The following DACH2 variants were observed in gnomAD, a reference collection of about 807,000 sequenced individuals.
The protein encoded by DACH2 is dachshund homolog 2.
DACH2 carries 17 observed loss-of-function variants against 35.8 expected under a neutral mutation model. That is an observed-to-expected ratio of 0.48 (90% CI 0.33 to 0.71). The LOEUF is 0.71. Ranked by LOEUF, DACH2 falls within the 30% of genes least tolerant of loss-of-function variation. DACH2 has a pLI of 0.02. For missense variants in DACH2, 469 were observed against 472.7 expected, an observed-to-expected ratio of 0.99 and a Z score of 0.07; for synonymous variants, 195 against 177.3, an observed-to-expected ratio of 1.10 and a Z score of -0.79.
At chrX:86,775,973 G>A (rs1174217326) in intron 7 of DACH2, among the ~76,000 whole-genome samples, 1 of 111,256 alleles carries the variant, frequency 9.0e-6, no homozygotes, top group Non-Finnish European at 1.9e-5. Context: ...ATTTGCCCAA[G>A]GTCACTCAGT....
chrX:86,289,841 T>G (rs1312582609), intron 1 of DACH2, among the ~76,000 whole-genome samples: 4 of 109,373 alleles, frequency 3.7e-5, no homozygotes, highest in Non-Finnish European at 7.6e-5. Context: ...TTTGGGTTGG[T>G]TCCAAGTCTT....
intron 1 of DACH2, among the ~76,000 whole-genome samples, chrX:86,284,565 T>C (rs1364057390): frequency 2.7e-5 from 3 of 111,635 alleles, no homozygotes; most frequent in Admixed American, 1.9e-4. Flanking sequence ...TTCTTTCTTT[T>C]TTTTTTATTT....
At chrX:86,790,762 G>C (rs2042179633) in intron 7 of DACH2, among the ~76,000 whole-genome samples, 1 of 110,911 alleles carries the variant, frequency 9.0e-6, no homozygotes, top group Non-Finnish European at 1.9e-5. Context: ...GCCTGGTCTA[G>C]AATTCATGGC....
intron 1 of DACH2, among the ~76,000 whole-genome samples, chrX:86,177,046 G>A (rs1199786590): frequency 9.0e-6 from 1 of 111,549 alleles, no homozygotes; most frequent in Non-Finnish European, 1.9e-5. Flanking sequence ...TTTGATACAG[G>A]CGTACAATGG....
chrX:86,646,076 T>C (rs1022678904), intron 3 of DACH2, among the ~76,000 whole-genome samples: 2 of 111,346 alleles, frequency 1.8e-5, no homozygotes, highest in African/African-American at 6.5e-5. Context: ...AGAAATAAAA[T>C]ATGATTTACA....
intron 5 of DACH2, among the ~76,000 whole-genome samples, chrX:86,706,046 T>A (rs2041212395): frequency 9.0e-6 from 1 of 111,254 alleles, no homozygotes; most frequent in Non-Finnish European, 1.9e-5. Context: ...AAGCTATGTG[T>A]ATGAAAAGAA....
At chrX:86,642,217 T>C (rs1298053564) in intron 3 of DACH2, among the ~76,000 whole-genome samples, 1 of 110,988 alleles carries the variant, frequency 9.0e-6, no homozygotes, top group Non-Finnish European at 1.9e-5. Context: ...GAGATCCACC[T>C]CACGTCATGA....
intron 1 of DACH2, among the ~76,000 whole-genome samples, chrX:86,181,750 G>A (rs1335738408): frequency 1.8e-5 from 2 of 111,400 alleles, no homozygotes; most frequent in Non-Finnish European, 3.8e-5. Flanking sequence ...AGATTCTTGA[G>A]GAATCACCAC....
intron 7 of DACH2, among the ~76,000 whole-genome samples, chrX:86,763,395 T>C (rs1271696831): frequency 8.9e-6 from 1 of 112,623 alleles, no homozygotes; most frequent in Non-Finnish European, 1.9e-5. Flanking sequence ...TTCAATTATA[T>C]AGAGTTCAAA....
chrX:86,517,716 C>T (rs1039614409), intron 3 of DACH2, among the ~76,000 whole-genome samples: 1 of 111,473 alleles, frequency 9.0e-6, no homozygotes, highest in Non-Finnish European at 1.9e-5. Flanking sequence ...CCACGCCTGA[C>T]CCTTTGCCCG....
At chrX:86,197,404 A>T (rs2032019976) in intron 1 of DACH2, among the ~76,000 whole-genome samples, 1 of 111,950 alleles carries the variant, frequency 8.9e-6, no homozygotes, top group African/African-American at 3.3e-5. Flanking sequence ...AAATCCACAC[A>T]TATGAATACC....
At chrX:86,265,001 A>C (rs2033687180) in intron 1 of DACH2, among the ~76,000 whole-genome samples, 1 of 111,383 alleles carries the variant, frequency 9.0e-6, no homozygotes, top group African/African-American at 3.3e-5. Flanking sequence ...TCCAGTCCTA[A>C]AGATGCATGG....
At chrX:86,268,959 G>A (rs745579733) in intron 1 of DACH2, among the ~76,000 whole-genome samples, 1 of 111,235 alleles carries the variant, frequency 9.0e-6, no homozygotes, top group South Asian at 3.8e-4. Context: ...ATCCCCTCAA[G>A]AATTTATCCT....
intron 1 of DACH2, among the ~76,000 whole-genome samples, chrX:86,180,898 T>A (rs1021606499): frequency 1.8e-5 from 2 of 111,523 alleles, no homozygotes; most frequent in Middle Eastern, 4.6e-3. Context: ...GATAGTTTTT[T>A]ATAGATTTCT....
At chrX:86,443,789 A>C (rs776513851) in intron 2 of DACH2, among the ~76,000 whole-genome samples, 4 of 111,800 alleles carry the variant, frequency 3.6e-5, no homozygotes, top group Non-Finnish European at 5.6e-5. Context: ...TGTTAATGAG[A>C]TTTATCATGT....
intron 3 of DACH2, among the ~76,000 whole-genome samples, chrX:86,612,766 G>A (rs1190022356): frequency 8.9e-6 from 1 of 112,620 alleles, no homozygotes; most frequent in Non-Finnish European, 1.9e-5. Flanking sequence ...ACTAGGTCTT[G>A]TGATTGCTCA....
At chrX:86,413,733 G>T (rs1434281602) in intron 2 of DACH2, among the ~76,000 whole-genome samples, 1 of 111,078 alleles carries the variant, frequency 9.0e-6, no homozygotes, top group African/African-American at 3.3e-5. Flanking sequence ...CTACCAGTCA[G>T]GGAGTCAATG....
chrX:86,799,712 G>T (rs756636037), intron 7 of DACH2, among the ~76,000 whole-genome samples: 2 of 112,336 alleles, frequency 1.8e-5, no homozygotes, highest in African/African-American at 6.5e-5. Context: ...ATTAATTCTT[G>T]AAACATTAAG....
intron 2 of DACH2, among the ~76,000 whole-genome samples, chrX:86,476,350 C>A (rs2037843580): frequency 9.0e-6 from 1 of 111,215 alleles, no homozygotes; most frequent in Non-Finnish European, 1.9e-5. Flanking sequence ...TGTTATTGGT[C>A]TAGTTTTTTA....
Sources: allele counts gnomAD v4.1 joint callset (sites outside exome capture counted in the v4.1 genomes callset), GRCh38; gene constraint gnomAD v4.1.1; transcripts MANE v1.5; gene names NCBI Gene and HGNC (gene_info 2026-07-23, HGNC 2026-07-21).